CHRM5: variants seen among roughly 807,000 people sequenced by gnomAD.
CHRM5 encodes the protein muscarinic acetylcholine receptor M5.
Under a neutral mutation model 39.0 loss-of-function variants are expected in CHRM5, and 18 were observed. That is an observed-to-expected ratio of 0.46 (90% CI 0.32 to 0.68). CHRM5 has a LOEUF of 0.68. CHRM5 is among the 30% of genes least tolerant of loss of function. The pLI is 0.04. For synonymous variants in CHRM5, 241 were observed against 246.3 expected, an observed-to-expected ratio of 0.98 and a Z score of 0.20; for missense variants, 515 against 651.1, an observed-to-expected ratio of 0.79 and a Z score of 2.28.
intron 2 of CHRM5, among the ~76,000 whole-genome samples, chr15:34,053,319 A>ATATGT (rs1555520677): frequency 2.4e-5 from 1 of 42,102 alleles, no homozygotes; most frequent in Non-Finnish European, 4.7e-5. Context: ...AAAAAAAAAA[A>ATATGT]ATATATATAT....
Position 34,062,726 on chromosome 15 carries a change from G to C in CHRM5, c.9G>C (p.Gly3=). Residue 3 remains glycine, a synonymous_variant, in exon 3 of 3, where the codon GGG becomes GGC. Transcript: ENST00000383263. ME[G]DSYHNATTVN... Reference sequence around the variant, plus strand: ...AAAATTTTTGCACCAGGATGGAAGGGGATTCTTACCACAATGCAACCACCG... The same window carrying C: ...AAAATTTTTGCACCAGGATGGAAGGCGATTCTTACCACAATGCAACCACCG... 2 of 1,608,474 alleles carry C rather than the reference G, an allele frequency of 1.2e-6. No homozygotes were observed. The highest frequency in any genetic ancestry group is 1.7e-6 in the Non-Finnish European group (2 of 1,176,348).
Position 34,006,969 on chromosome 15 carries a change from TATAAAG to T in CHRM5, c.-408+37826_-408+37831del, listed in dbSNP as rs1359510644. The T allele has an allele frequency of 2.4e-5, 16 of 669,976 alleles. No homozygotes were observed. In the South Asian group the frequency reaches 6.8e-4, roughly 28 times the overall value. 41.5% of individuals were successfully genotyped at this position (669,976 alleles called of 1,614,324 possible). On this transcript the variant is annotated intron_variant, in intron 1 of 2. Transcript: ENST00000383263. ...ACTGATCAGAAAACAAGGTGAAAAC[TATAAAG>T]ATAAAGGCATCATTTTCATATAAAT...
intron 1 of CHRM5, among the ~76,000 whole-genome samples, chr15:33,970,830 G>T (rs1402827099): frequency 6.6e-6 from 1 of 151,788 alleles, no homozygotes; most frequent in African/African-American, 2.4e-5. Flanking sequence ...CTAATTTGGG[G>T]GCTTTGTTTC....
At chr15:34,024,317 G>A (rs537624432) in intron 1 of CHRM5, among the ~76,000 whole-genome samples, 3 of 151,992 alleles carry the variant, frequency 2.0e-5, no homozygotes. Context: ...AAATAAAGTA[G>A]GTATGAGATG....
intron 1 of CHRM5, chr15:34,038,988 GGCCGGCCGCGGCCTGGCC>G (rs1300494846): frequency 9.0e-7 from 1 of 1,115,398 alleles, no homozygotes; most frequent in African/African-American, 1.7e-5. Flanking sequence ...ATCTCCGCCA[GGCCGGCCGCGGCCTGGCC>G]GCCGCCCACG....
rs1299888063 is a variant in CHRM5 at position 34,065,460 on chromosome 15, G to A, written c.*1144G>A. ...GCCTCCAAGCAGGGGGTTGTGGGGT[G>A]AGGTGGGGGTAGAAAGTCTTTTTTT... On this transcript the variant is annotated 3_prime_UTR_variant, in exon 3 of 3. Coordinates refer to ENST00000383263, the MANE Select transcript of CHRM5 (RefSeq NM_012125.4). 6.6e-6 allele frequency: 1 copy of A among 152,198 alleles called. No individual in the cohort carries two copies. The highest frequency in any genetic ancestry group is 2.4e-5 in the African/African-American group (1 of 41,444). 9.4% of individuals were successfully genotyped at this position (152,198 alleles called of 1,614,324 possible).
chr15:34,035,143 C>T lies in CHRM5; in HGVS notation c.-407-11397C>T, dbSNP rs1366713165. Among the ~76,000 whole-genome samples, 7 of 152,304 alleles carry T rather than the reference C, an allele frequency of 4.6e-5. No individual in the cohort carries two copies. In the East Asian group the frequency reaches 1.3e-3, roughly 29 times the overall value. On this transcript the variant is annotated intron_variant, in intron 1 of 2. Coordinates refer to ENST00000383263, the MANE Select transcript of CHRM5 (RefSeq NM_012125.4). ...CAACGCCATCGGGTATTAATTACTA[C>T]TCAGGCTTTGTTTACAAAGCAAAAG...
chr15:34,032,752 A>G (rs909543890), intron 1 of CHRM5, among the ~76,000 whole-genome samples: 8 of 152,226 alleles, frequency 5.3e-5, no homozygotes, highest in African/African-American at 1.9e-4. Flanking sequence ...AAGACAGCAC[A>G]ACTGCTTTTC....
intron 1 of CHRM5, among the ~76,000 whole-genome samples, chr15:34,028,653 A>G (rs1465964322): frequency 1.3e-5 from 2 of 152,212 alleles, no homozygotes; most frequent in Non-Finnish European, 2.9e-5. Flanking sequence ...TAGTAAATAT[A>G]TTGTGTTCAT....
intron 2 of CHRM5, among the ~76,000 whole-genome samples, chr15:34,049,058 A>C (rs1437873336): frequency 6.6e-6 from 1 of 152,178 alleles, no homozygotes. Context: ...AAGGTCAGCA[A>C]CCTCAAAGCT....
intron 2 of CHRM5, among the ~76,000 whole-genome samples, chr15:34,053,319 A>AAAAAAAAATATATATATAT (rs775436850): frequency 2.4e-5 from 1 of 42,096 alleles, no homozygotes; most frequent in African/African-American, 8.0e-5. Flanking sequence ...AAAAAAAAAA[A>AAAAAAAAATATATATATAT]ATATATATAT....
chr15:34,023,820 C>T (rs1370997259), intron 1 of CHRM5, among the ~76,000 whole-genome samples: 1 of 152,134 alleles, frequency 6.6e-6, no homozygotes, highest in Non-Finnish European at 1.5e-5. Context: ...TGAAGGGCAT[C>T]AAAGAAAGAA....
At chr15:33,989,451 A>T (rs1263756802) in intron 1 of CHRM5, among the ~76,000 whole-genome samples, 6 of 76,830 alleles carry the variant, frequency 7.8e-5, no homozygotes, top group African/African-American at 2.3e-4. Flanking sequence ...TTTGGAGTTT[A>T]AAAAAAAAAA....
chr15:34,015,200 TAGGCCGGGCGC>T (rs1430491087), intron 1 of CHRM5, among the ~76,000 whole-genome samples: 3 of 152,208 alleles, frequency 2.0e-5, no homozygotes, highest in Non-Finnish European at 4.4e-5. Flanking sequence ...TTCCACAAAA[TAGGCCGGGCGC>T]AGTGGCTCAC....
At chr15:34,013,478 G>A (rs1897726680) in intron 1 of CHRM5, among the ~76,000 whole-genome samples, 1 of 152,182 alleles carries the variant, frequency 6.6e-6, no homozygotes, top group Non-Finnish European at 1.5e-5. Context: ...TGTCTGTCCT[G>A]CAATATGTCC....
chr15:34,027,454 G>A (rs956076312), intron 1 of CHRM5, among the ~76,000 whole-genome samples: 6 of 151,642 alleles, frequency 4.0e-5, no homozygotes, highest in Non-Finnish European at 5.9e-5. Flanking sequence ...GCTTGAACCC[G>A]GAAGGCAGAG....
At chr15:34,022,249 A>G (rs1898234365) in intron 1 of CHRM5, among the ~76,000 whole-genome samples, 1 of 152,244 alleles carries the variant, frequency 6.6e-6, no homozygotes, top group Non-Finnish European at 1.5e-5. Flanking sequence ...AATTTTAACC[A>G]GAATGGAGAA....
intron 1 of CHRM5, among the ~76,000 whole-genome samples, chr15:33,983,031 C>T (rs1896222768): frequency 6.6e-6 from 1 of 151,752 alleles, no homozygotes; most frequent in Admixed American, 6.6e-5. Context: ...GCACAAGAAG[C>T]ACAACATTAA....
In CHRM5 at chr15:34,067,046, C is replaced by T. The variant is rs1203501079; in HGVS notation, c.*2730C>T. ...GGTGGGTGGGAGGCGCATGGCCTGA[C>T]TTGAGATCTTAGGCCTTCTATGCCC... On this transcript the variant is annotated 3_prime_UTR_variant, in exon 3 of 3. Transcript: ENST00000383263. The T allele has an allele frequency of 6.6e-6, 1 of 152,184 alleles. No individual in the cohort carries two copies. Among genetic ancestry groups the T allele is most frequent in the Admixed American group, 6.5e-5 (1 of 15,282 alleles). 9.4% of individuals were successfully genotyped at this position (152,184 alleles called of 1,614,324 possible). A position where few individuals can be genotyped will look rare whatever the true frequency, so the allele number is the denominator to read the frequency against.
Sources: allele counts gnomAD v4.1 joint callset (sites outside exome capture counted in the v4.1 genomes callset), GRCh38; gene constraint gnomAD v4.1.1; transcripts MANE v1.5; gene names NCBI Gene and HGNC (gene_info 2026-07-23, HGNC 2026-07-21).